Variants in MAP3K1 observed in about 807,000 individuals in gnomAD.
MAP3K1 encodes MAP/ERK kinase kinase 1.
In MAP3K1, 36 loss-of-function variants were observed where a neutral mutation model predicts 144.2. The observed-to-expected ratio is 0.25, with a 90% CI of 0.19 to 0.33. The LOEUF is 0.33. Among genes scored for constraint, MAP3K1 ranks in the 10% least tolerant of loss-of-function variants. The probability of loss-of-function intolerance (pLI) is 1.00; values close to 1 mark genes in which losing one functional copy is unlikely to be tolerated. For synonymous variants in MAP3K1, 718 were observed against 688.7 expected (o/e 1.04, Z -0.67); for missense variants, 1,650 against 1,881.9 (o/e 0.88, Z 2.28).
In MAP3K1 at chr5:56,815,806, T is replaced by C. The variant is rs572205361; in HGVS notation, c.233T>C (p.Leu78Pro). The stretch of plus-strand genomic sequence containing the variant: ...CTGGACCAGCTGCCTGAGCAGCCGC[T>C]CTTCCTTGCCGCCTCACCGCCGGCC... ...VELDQLPEQPLFLAASPPASS... is the reference protein window; with the variant it reads ...VELDQLPEQPPFLAASPPASS... Residue 78 changes from leucine (L) to proline (P), a missense_variant, in exon 1 of 20, where the codon CTC (leucine) becomes CCC (proline). Leu to Pro is a moderately conservative substitution (Grantham distance 98). This residue lies in a region of MAP3K1 where 360 missense variants were observed against 274.7 expected (regional missense o/e 1.31). Coordinates refer to ENST00000399503, the MANE Select transcript of MAP3K1 (RefSeq NM_005921.2). 1,465 of 1,423,436 alleles carry C rather than the reference T, an allele frequency of 1.0e-3. 32 individuals carry two copies. The Admixed American group carries it at 0.027, about 26-fold the overall frequency. 88.2% of individuals were successfully genotyped at this position (1,423,436 alleles called of 1,614,324 possible).
At chr5:56,874,729 A>T (rs1747968014) in intron 9 of MAP3K1, among the ~76,000 whole-genome samples, 1 of 152,096 alleles carries the variant, frequency 6.6e-6, no homozygotes, top group Non-Finnish European at 1.5e-5. Flanking sequence ...CGTTTTGGTA[A>T]GCATGTGGGA....
intron 18 of MAP3K1, chr5:56,887,873 T>C: frequency 2.3e-6 from 1 of 434,340 alleles, no homozygotes; most frequent in Non-Finnish European, 4.2e-6. Flanking sequence ...GCAGCTCCTG[T>C]CTGTAGTGGA....
chr5:56,830,547 A>G (rs757693779), intron 1 of MAP3K1, among the ~76,000 whole-genome samples: 1 of 152,186 alleles, frequency 6.6e-6, no homozygotes, highest in Non-Finnish European at 1.5e-5. Context: ...TCTGTGCTAT[A>G]GAAAAGTTGC....
intron 3 of MAP3K1, among the ~76,000 whole-genome samples, chr5:56,863,665 G>A (rs1224120929): frequency 6.6e-6 from 1 of 152,184 alleles, no homozygotes; most frequent in Non-Finnish European, 1.5e-5. Flanking sequence ...ACCTAGGAAT[G>A]GAATTGCTGG....
intron 1 of MAP3K1, among the ~76,000 whole-genome samples, chr5:56,854,394 T>C (rs1747269000): frequency 8.0e-6 from 1 of 124,562 alleles, no homozygotes. Context: ...ATTGCACCAT[T>C]GCACTCCAGT....
intron 18 of MAP3K1, 81 bp downstream of exon 18, chr5:56,887,601 G>A (rs1748415954): frequency 1.4e-6 from 2 of 1,460,242 alleles, no homozygotes; most frequent in South Asian, 1.1e-5. Flanking sequence ...ATCTTGCAGT[G>A]GTATCCAGTA....
chr5:56,889,202 T>C (rs1360738424), intron 19 of MAP3K1, among the ~76,000 whole-genome samples: 2 of 152,242 alleles, frequency 1.3e-5, no homozygotes, highest in Non-Finnish European at 2.9e-5. Flanking sequence ...AGAGTCTCGC[T>C]GCAGTGCCCA....
At chr5:56,821,608 G>C (rs987153866) in intron 1 of MAP3K1, among the ~76,000 whole-genome samples, 50 of 152,234 alleles carry the variant, frequency 3.3e-4, no homozygotes, top group African/African-American at 1.2e-3. Flanking sequence ...TGTTGCCCAG[G>C]CTGGAATCGA....
intron 1 of MAP3K1, among the ~76,000 whole-genome samples, chr5:56,844,958 T>C (rs942274885): frequency 3.3e-5 from 5 of 152,216 alleles, no homozygotes; most frequent in African/African-American, 1.2e-4. Flanking sequence ...AGTATAGTAC[T>C]AGCTGTTCTG....
intron 7 of MAP3K1, 140 bp downstream of exon 7, chr5:56,872,171 GA>G: frequency 8.9e-7 from 1 of 1,118,706 alleles, no homozygotes; most frequent in Admixed American, 2.0e-5. Context: ...AGTCCTATGT[GA>G]AAAGTTTTCA....
In MAP3K1 at chr5:56,815,803, CG is replaced by C; in HGVS notation, c.231del (p.Leu78SerfsTer107). 1 of 1,423,706 alleles carries C rather than the reference CG, an allele frequency of 7.0e-7. No homozygotes were observed. The allele number at this position is 1,423,706 out of a possible 1,614,324, so 88.2% of individuals were successfully genotyped here. On this transcript the variant is annotated frameshift_variant, in exon 1 of 20. Coordinates refer to ENST00000399503, the MANE Select transcript of MAP3K1 (RefSeq NM_005921.2). LOFTEE classifies it high-confidence loss of function. ...GAGCTGGACCAGCTGCCTGAGCAGC[CG>C]CTCTTCCTTGCCGCCTCACCGCCGG... ...SVELDQLPEQ[P>X]LFLAASPPAS...
chr5:56,887,058 T>C (rs1748398869), intron 17 of MAP3K1, among the ~76,000 whole-genome samples: 1 of 152,242 alleles, frequency 6.6e-6, no homozygotes, highest in Admixed American at 6.5e-5. Flanking sequence ...CCACCGTACC[T>C]GGCCTCAGTT....
intron 10 of MAP3K1, 80 bp downstream of exon 10, chr5:56,875,390 A>G: frequency 1.4e-6 from 2 of 1,479,952 alleles, no homozygotes; most frequent in Non-Finnish European, 9.3e-7. Context: ...TTTAAGATAC[A>G]ATAAAGCTAC....
At chr5:56,817,087 C>G (rs142019712) in intron 1 of MAP3K1, 1,181 of 985,338 alleles carry the variant, frequency 1.2e-3, no homozygotes, top group Non-Finnish European at 1.4e-3. Flanking sequence ...GATGCGTCTT[C>G]TGGTGCATAT....
chr5:56,878,102 T>C (rs1375570071), intron 10 of MAP3K1, among the ~76,000 whole-genome samples: 1 of 152,232 alleles, frequency 6.6e-6, no homozygotes, highest in Non-Finnish European at 1.5e-5. Context: ...CTACCAAGTT[T>C]CCCTGCTGTA....
chr5:56,834,222 G>A (rs961421607), intron 1 of MAP3K1, among the ~76,000 whole-genome samples: 7 of 152,160 alleles, frequency 4.6e-5, no homozygotes, highest in African/African-American at 1.7e-4. Flanking sequence ...CTCAGCACTT[G>A]TTTATTGACA....
chr5:56,840,939 G>A (rs1056283850), intron 1 of MAP3K1, among the ~76,000 whole-genome samples: 5 of 149,594 alleles, frequency 3.3e-5, no homozygotes, highest in Non-Finnish European at 5.9e-5. Flanking sequence ...GCAGTGGCAC[G>A]TTCTCAGCTC....
At position 56,893,693 on chromosome 5, in the gene MAP3K1, A is replaced by G. The variant is rs750612918; in HGVS notation, c.*13A>G. 22 of 1,613,586 alleles carry G rather than the reference A, an allele frequency of 1.4e-5. No homozygotes were observed. The South Asian group carries it at 2.3e-4, about 17-fold the overall frequency. On this transcript the variant is annotated 3_prime_UTR_variant, in exon 20 of 20. Transcript: ENST00000399503. ...TACTACATGGTAGCCAATTATGCAG[A>G]TCAACTACAGTAGAAACAGGATGCT...
chr5:56,879,217 G>T, intron 11 of MAP3K1, 116 bp downstream of exon 11: 1 of 1,292,800 alleles, frequency 7.7e-7, no homozygotes, highest in South Asian at 1.2e-5. Context: ...TTTGAACATT[G>T]TCTTTTAATG....
Sources: allele counts gnomAD v4.1 joint callset (sites outside exome capture counted in the v4.1 genomes callset), GRCh38; gene constraint gnomAD v4.1.1; regional missense constraint gnomAD v4.1.1; transcripts MANE v1.5; gene names NCBI Gene and HGNC (gene_info 2026-07-23, HGNC 2026-07-21).